Variants in TMEM87B observed in about 807,000 individuals in gnomAD.
TMEM87B encodes transmembrane protein 87B.
TMEM87B carries 83 observed loss-of-function variants against 80.3 expected under a neutral mutation model. The ratio of observed to expected loss-of-function variants is 1.03; its 90% CI spans 0.87 to 1.24. The LOEUF is 1.24. Ranked by LOEUF, TMEM87B falls within the 50% of genes most tolerant of loss-of-function variation. The probability of loss-of-function intolerance (pLI) is 0.00; values close to 1 mark genes in which losing one functional copy is unlikely to be tolerated. For synonymous variants in TMEM87B, 219 were observed against 230.5 expected, an observed-to-expected ratio of 0.95 and a Z score of 0.45; for missense variants, 625 against 674.4, an observed-to-expected ratio of 0.93 and a Z score of 0.81.
chr2:112,098,477 G>T, intron 13 of TMEM87B, 118 bp from the exon 14 acceptor site: 2 of 855,970 alleles, frequency 2.3e-6, no homozygotes, highest in Admixed American at 2.6e-5. Context: ...TTGTTTATTT[G>T]GAAGACTTAC....
chr2:112,110,668 G>T (rs1679885782), intron 17 of TMEM87B, among the ~76,000 whole-genome samples: 1 of 152,056 alleles, frequency 6.6e-6, no homozygotes, highest in South Asian at 2.1e-4. Context: ...GACGTTGATG[G>T]TATGGAGTAG....
Position 112,088,751 on chromosome 2 carries a change from A to AT in TMEM87B, c.939-866dup, listed in dbSNP as rs923743417. 5.9e-5 allele frequency among the ~76,000 whole-genome samples: 9 copies of AT among 152,016 alleles called. No homozygotes were observed. The South Asian group carries it at 6.2e-4, about 11-fold the overall frequency. ...TTATATTTTGAAAGAGCCAAAAAAA[A>AT]TTTTTTTTGTTGTTTTTGTTTTTTT... is the stretch of plus-strand genomic sequence containing the variant. On this transcript the variant is annotated intron_variant, in intron 9 of 18. Transcript: ENST00000283206.
intron 2 of TMEM87B, among the ~76,000 whole-genome samples, chr2:112,063,553 A>G (rs542292050): frequency 2.8e-4 from 43 of 152,226 alleles, no homozygotes; most frequent in African/African-American, 9.9e-4. Flanking sequence ...CACCCTGGGC[A>G]TTTACATGTT....
At chr2:112,057,760 T>G (rs1678124172) in intron 1 of TMEM87B, among the ~76,000 whole-genome samples, 2 of 151,772 alleles carry the variant, frequency 1.3e-5, no homozygotes, top group African/African-American at 4.8e-5. Context: ...GTGATATACT[T>G]GGGATATTAC....
In TMEM87B at chr2:112,059,941, C is replaced by T. The variant is rs1184149415; in HGVS notation, c.166-36C>T. 3 of 1,585,034 alleles carry T rather than the reference C, an allele frequency of 1.9e-6. No homozygotes were observed. In the Admixed American group the frequency reaches 5.3e-5, roughly 28 times the overall value. On this transcript the variant is annotated intron_variant, in intron 1 of 18. Transcript: ENST00000283206. ...GTAAAACAGTTGCAAAAAAAACTTTCTAACAAGATCTTCCTGTGTTTGTTT... is the reference window on the plus strand; with the variant it reads ...GTAAAACAGTTGCAAAAAAAACTTTTTAACAAGATCTTCCTGTGTTTGTTT...
chr2:112,071,313 C>T (rs937478662), intron 4 of TMEM87B, among the ~76,000 whole-genome samples: 11 of 142,364 alleles, frequency 7.7e-5, no homozygotes, highest in South Asian at 2.3e-4. Context: ...CCCGCCCCCC[C>T]GCCGCCGCCA....
At chr2:112,070,680 A>G (rs1212503202) in intron 4 of TMEM87B, among the ~76,000 whole-genome samples, 1 of 152,070 alleles carries the variant, frequency 6.6e-6, no homozygotes, top group Non-Finnish European at 1.5e-5. Flanking sequence ...TTCCATATGA[A>G]TTTTAAAATA....
chr2:112,093,430 A>T lies in TMEM87B; in HGVS notation c.1104+1647A>T, dbSNP rs536100984. On this transcript the variant is annotated intron_variant, in intron 11 of 18. Transcript: ENST00000283206. ...GCCTCTCTTCACAGAACACAGACAC[A>T]AGGAGCTTTGCATGACAGGGCAGTT... is the stretch of plus-strand genomic sequence containing the variant. Among the ~76,000 whole-genome samples, 87 of 152,328 alleles carry T rather than the reference A, an allele frequency of 5.7e-4. 1 individual carries two copies. The highest frequency in any genetic ancestry group is 2.1e-3 in the African/African-American group (86 of 41,572).
intron 11 of TMEM87B, among the ~76,000 whole-genome samples, chr2:112,096,146 G>A (rs35326322): frequency 0.32 from 47,992 of 151,952 alleles, 8,148 homozygotes; most frequent in Middle Eastern, 0.51. Context: ...GACCCTCTGA[G>A]TTCCCATTCC....
In TMEM87B at chr2:112,097,134, C is replaced by G; in HGVS notation, c.1195C>G (p.Leu399Val). Residue 399 changes from leucine (L) to valine (V), a missense_variant, in exon 12 of 19, where the codon CTG (leucine) becomes GTG (valine). Transcript: ENST00000283206. ...ATTATATAGACATTTTAAAAATACT[C>G]TGATCTTTGCTGTGCTGGGTAAGCT... ...FSLYRHFKNT[L>V]IFAVLASIVF... 1.2e-6 allele frequency: 2 copies of G among 1,606,746 alleles called. No homozygotes were observed. The highest frequency in any genetic ancestry group is 1.7e-6 in the Non-Finnish European group (2 of 1,177,030).
chr2:112,073,280 C>T (rs1038056194), intron 4 of TMEM87B, among the ~76,000 whole-genome samples: 2 of 152,108 alleles, frequency 1.3e-5, no homozygotes, highest in Admixed American at 6.6e-5. Context: ...TTAGCTATGT[C>T]GCAGAGATTC....
At chr2:112,092,357 ACATG>A (rs1679329330) in intron 11 of TMEM87B, among the ~76,000 whole-genome samples, 1 of 152,086 alleles carries the variant, frequency 6.6e-6, no homozygotes, top group Non-Finnish European at 1.5e-5. Context: ...CTCTGGGTGG[ACATG>A]CATGGGAGAG....
At chr2:112,064,843 G>C (rs934759866) in intron 3 of TMEM87B, among the ~76,000 whole-genome samples, 3 of 152,112 alleles carry the variant, frequency 2.0e-5, no homozygotes, top group African/African-American at 7.2e-5. Context: ...CAGATTCTCT[G>C]TTACCTGTTT....
rs142559956 is a variant in TMEM87B at position 112,115,380 on chromosome 2, A to T, written c.1609-704A>T. Among the ~76,000 whole-genome samples, 986 of 125,316 alleles carry T rather than the reference A, an allele frequency of 7.9e-3. 56 individuals carry two copies. Among genetic ancestry groups the T allele is most frequent in the African/African-American group, 0.019 (539 of 27,896 alleles). The allele number at this position is 125,316 out of a possible 152,430, so 82.2% of individuals were successfully genotyped here. On this transcript the variant is annotated intron_variant, in intron 18 of 18. Transcript: ENST00000283206. The stretch of plus-strand genomic sequence containing the variant: ...CAGAAAGATTCATAACTACAGAAAG[A>T]TGTAGCATTACAGAAAGATTCATAA...
At chr2:112,091,025 G>T (rs1679282161) in intron 10 of TMEM87B, among the ~76,000 whole-genome samples, 3 of 152,132 alleles carry the variant, frequency 2.0e-5, no homozygotes, top group Admixed American at 2.0e-4. Flanking sequence ...ATACTTGCCA[G>T]AAGGAAATAG....
intron 14 of TMEM87B, among the ~76,000 whole-genome samples, chr2:112,100,226 A>G (rs1359056787): frequency 6.6e-6 from 1 of 152,184 alleles, no homozygotes; most frequent in African/African-American, 2.4e-5. Context: ...ACCCTAGGAA[A>G]TGTGGCCCAT....
At chr2:112,057,092 T>G (rs777789345) in intron 1 of TMEM87B, among the ~76,000 whole-genome samples, 10 of 152,212 alleles carry the variant, frequency 6.6e-5, no homozygotes, top group Non-Finnish European at 1.5e-4. Flanking sequence ...AGTTTGCTCC[T>G]TGAGTGCTGC....
chr2:112,086,067 C>T lies in TMEM87B; in HGVS notation c.901C>T (p.Leu301Phe), dbSNP rs746584444. 2.5e-6 allele frequency: 4 copies of T among 1,614,076 alleles called. No homozygotes were observed. Among genetic ancestry groups the T allele is most frequent in the African/African-American group, 1.3e-5 (1 of 74,930 alleles). Residue 301 changes from leucine (L) to phenylalanine (F), a missense_variant, in exon 9 of 19, where the codon CTC becomes TTC. Physicochemically the swap from Leu to Phe is conservative, Grantham distance 22 (BLOSUM62 0). Coordinates refer to ENST00000283206, the MANE Select transcript of TMEM87B (RefSeq NM_032824.3). ...GATTAAGAGGACGTTGGCTCGCCTTCTCGTGATCATTGTGAGCCTGGGCTA... is the reference window on the plus strand; with the variant it reads ...GATTAAGAGGACGTTGGCTCGCCTTTTCGTGATCATTGTGAGCCTGGGCTA... ...SAIKRTLARL[L>F]VIIVSLGYGI...
rs546481804 is a variant in TMEM87B at position 112,098,378 on chromosome 2, C to T, written c.1273-217C>T. ...TGATTTTGAAATCTTTCTGTTAACCCAAAAATTTTATGGCAGGGAATATTT... is the reference window on the plus strand; with the variant it reads ...TGATTTTGAAATCTTTCTGTTAACCTAAAAATTTTATGGCAGGGAATATTT... On this transcript the variant is annotated intron_variant, in intron 13 of 18. Coordinates refer to ENST00000283206, the MANE Select transcript of TMEM87B (RefSeq NM_032824.3). 9.9e-5 allele frequency among the ~76,000 whole-genome samples: 15 copies of T among 152,156 alleles called. 1 individual carries two copies. The South Asian group carries it at 2.9e-3, about 30-fold the overall frequency.
Sources: allele counts gnomAD v4.1 joint callset (sites outside exome capture counted in the v4.1 genomes callset), GRCh38; gene constraint gnomAD v4.1.1; transcripts MANE v1.5; gene names NCBI Gene and HGNC (gene_info 2026-07-23, HGNC 2026-07-21).